Variants in ALMS1 observed in about 807,000 individuals in gnomAD.
ALMS1 encodes ALMS1 centrosome and basal body associated protein.
Under a neutral mutation model 352.2 loss-of-function variants are expected in ALMS1, and 271 were observed. That is an observed-to-expected ratio of 0.77 (90% CI 0.70 to 0.85). ALMS1 has a LOEUF of 0.85. Among genes scored for constraint, ALMS1 ranks in the 40% least tolerant of loss-of-function variants. The pLI is 0.00. For missense variants in ALMS1, 5,445 were observed against 4,870.7 expected, an observed-to-expected ratio of 1.12 and a Z score of -3.51; for synonymous variants, 1,865 against 1,761.2, an observed-to-expected ratio of 1.06 and a Z score of -1.48.
At chr2:73,578,142 C>T (rs1675092079) in intron 16 of ALMS1, among the ~76,000 whole-genome samples, 1 of 152,144 alleles carries the variant, frequency 6.6e-6, no homozygotes, top group East Asian at 1.9e-4. Flanking sequence ...CTCTTTTTGT[C>T]TCTTGTAACA....
At chr2:73,474,385 G>GTA (rs1173573084) in intron 9 of ALMS1, among the ~76,000 whole-genome samples, 1 of 46,014 alleles carries the variant, frequency 2.2e-5, no homozygotes, top group Non-Finnish European at 5.0e-5. Context: ...GTGTGTGTGT[G>GTA]TGTGTGTGTG....
chr2:73,448,939 A>G lies in ALMS1; in HGVS notation c.2412A>G (p.Pro804=), dbSNP rs2103775022. The change falls in exon 8 of 23, where the codon CCA becomes CCG. Residue 804 remains proline (P), a synonymous_variant. Coordinates refer to ENST00000613296, the MANE Select transcript of ALMS1 (RefSeq NM_001378454.1). ...AGPADQKTGL[P]TVPSSAYSHR... ...CAGCTGACCAGAAGACTGGCCTACC[A>G]ACAGTACCCTCTAGTGCATACTCAC... 6.2e-7 allele frequency: 1 copy of G among 1,614,140 alleles called. No individual in the cohort carries two copies. Among genetic ancestry groups the G allele is most frequent in the Non-Finnish European group, 8.5e-7 (1 of 1,179,986 alleles).
At chr2:73,489,605 A>G (rs1672929650) in intron 9 of ALMS1, 29 bp from the exon 10 acceptor site, 1 of 1,613,744 alleles carries the variant, frequency 6.2e-7, no homozygotes, top group Non-Finnish European at 8.5e-7. Context: ...ACTACTTCAA[A>G]TAAGAACCTG....
At chr2:73,513,721 A>G (rs1290516712) in intron 10 of ALMS1, among the ~76,000 whole-genome samples, 1 of 151,884 alleles carries the variant, frequency 6.6e-6, no homozygotes, top group African/African-American at 2.4e-5. Context: ...CTAACTCCAC[A>G]TGTCTGGTGG....
chr2:73,436,307 T>C (rs6759464), intron 7 of ALMS1, among the ~76,000 whole-genome samples: 132,679 of 152,242 alleles, frequency 0.87, 57,907 homozygotes, highest in Admixed American at 0.92. Flanking sequence ...TTCCAAGATA[T>C]GCTCTTTGTC....
chr2:73,440,981 C>T (rs1311613844), intron 7 of ALMS1, among the ~76,000 whole-genome samples: 1 of 152,168 alleles, frequency 6.6e-6, no homozygotes, highest in African/African-American at 2.4e-5. Flanking sequence ...GAGGCTCCCA[C>T]TCAGTCCCTG....
chr2:73,431,710 C>T (rs1421159756), intron 6 of ALMS1, among the ~76,000 whole-genome samples: 1 of 152,192 alleles, frequency 6.6e-6, no homozygotes, highest in Non-Finnish European at 1.5e-5. Context: ...TTGATACTCT[C>T]ATTTTTCTTC....
intron 9 of ALMS1, among the ~76,000 whole-genome samples, chr2:73,479,287 G>A (rs758799292): frequency 1.4e-4 from 21 of 152,088 alleles, no homozygotes; most frequent in Non-Finnish European, 2.4e-4. Flanking sequence ...CAACCACAAC[G>A]TTGATATTGA....
At chr2:73,578,666 C>A (rs1447375874) in intron 16 of ALMS1, among the ~76,000 whole-genome samples, 1 of 152,130 alleles carries the variant, frequency 6.6e-6, no homozygotes, top group Non-Finnish European at 1.5e-5. Context: ...TTCCCCTTAA[C>A]TTTAATAATA....
At chr2:73,458,466 T>C (rs780700696) in intron 9 of ALMS1, 5 of 152,102 alleles carry the variant, frequency 3.3e-5, no homozygotes, top group Non-Finnish European at 4.4e-5. Context: ...CTGAACAAAA[T>C]AGACAAACAT....
At chr2:73,414,380 A>T (rs530979953) in intron 2 of ALMS1, among the ~76,000 whole-genome samples, 5 of 149,546 alleles carry the variant, frequency 3.3e-5, no homozygotes, top group African/African-American at 1.0e-4. Flanking sequence ...TAGCTTTTTT[A>T]AAAAAATATT....
chr2:73,463,020 A>T (rs919935967), intron 9 of ALMS1, among the ~76,000 whole-genome samples: 1 of 152,132 alleles, frequency 6.6e-6, no homozygotes, highest in Admixed American at 6.5e-5. Context: ...AGACTTTAAC[A>T]CCCCACTGTC....
chr2:73,517,638 CT>C (rs74558381), intron 10 of ALMS1, among the ~76,000 whole-genome samples: 5 of 150,862 alleles, frequency 3.3e-5, no homozygotes, highest in Admixed American at 1.3e-4. Flanking sequence ...TTGTTAACAT[CT>C]TTTTTTTTCA....
intron 2 of ALMS1, among the ~76,000 whole-genome samples, chr2:73,417,168 G>C (rs1324141625): frequency 6.6e-6 from 1 of 152,038 alleles, no homozygotes; most frequent in Non-Finnish European, 1.5e-5. Context: ...ATATAATACA[G>C]TTGTTAAATT....
At chr2:73,462,825 A>C (rs201254757) in intron 9 of ALMS1, 1 of 151,980 alleles carries the variant, frequency 6.6e-6, no homozygotes, top group African/African-American at 2.4e-5. Flanking sequence ...TGATAAAACA[A>C]ACTTTAAACC....
intron 9 of ALMS1, among the ~76,000 whole-genome samples, chr2:73,481,884 T>C (rs1672714163): frequency 1.3e-5 from 2 of 151,286 alleles, no homozygotes; most frequent in South Asian, 2.1e-4. Context: ...TGTTTGTCTG[T>C]TGTTGGTGTA....
intron 10 of ALMS1, among the ~76,000 whole-genome samples, chr2:73,498,528 T>TGTGC (rs773918656): frequency 4.7e-4 from 71 of 151,996 alleles, no homozygotes; most frequent in Non-Finnish European, 8.4e-4. Flanking sequence ...TGTGTGTGTG[T>TGTGC]GTGCCCATTA....
intron 11 of ALMS1, among the ~76,000 whole-genome samples, chr2:73,530,987 TC>T (rs147360073): frequency 0.016 from 2,464 of 152,292 alleles, 64 homozygotes; most frequent in African/African-American, 0.056. Flanking sequence ...CATTTTTCCC[TC>T]CTAGGCCTCC....
At chr2:73,395,870 AG>A (rs1670749799) in intron 1 of ALMS1, among the ~76,000 whole-genome samples, 1 of 152,146 alleles carries the variant, frequency 6.6e-6, no homozygotes, top group Non-Finnish European at 1.5e-5. Context: ...TCCTGATCTT[AG>A]GGCAGGGGTG....
Sources: gnomAD v4.1 joint callset for allele counts (sites outside exome capture counted in the v4.1 genomes callset) on GRCh38, gnomAD v4.1.1 for gene constraint, MANE v1.5 for transcripts, NCBI Gene and HGNC (gene_info 2026-07-23, HGNC 2026-07-21) for gene names.